SLC44A1: variants seen among roughly 807,000 people sequenced by gnomAD.
The protein encoded by SLC44A1 is choline transporter-like protein 1.
SLC44A1 carries 26 observed loss-of-function variants against 79.3 expected under a neutral mutation model. The ratio of observed to expected loss-of-function variants is 0.33; its 90% CI spans 0.24 to 0.46. SLC44A1 has a LOEUF of 0.46. Ranked by LOEUF, SLC44A1 falls within the 20% of genes least tolerant of loss-of-function variation. The probability of loss-of-function intolerance (pLI) is 1.00; values close to 1 mark genes in which losing one functional copy is unlikely to be tolerated. For synonymous variants in SLC44A1, 263 were observed against 286.2 expected (o/e 0.92, Z 0.82); for missense variants, 688 against 798.1 (o/e 0.86, Z 1.66).
chr9:105,332,073 G>A (rs1284651716), intron 3 of SLC44A1, among the ~76,000 whole-genome samples: 1 of 151,674 alleles, frequency 6.6e-6, no homozygotes, highest in Non-Finnish European at 1.5e-5. Flanking sequence ...TATGTGAAAG[G>A]CATAGAGAAT....
chr9:105,412,445 T>C (rs1396643174), intron 15 of SLC44A1, among the ~76,000 whole-genome samples: 2 of 152,208 alleles, frequency 1.3e-5, no homozygotes, highest in African/African-American at 2.4e-5. Flanking sequence ...GCTTTCCTGG[T>C]TTCAACTCTG....
At chr9:105,416,932 A>C (rs1428061625) in intron 15 of SLC44A1, among the ~76,000 whole-genome samples, 1 of 152,260 alleles carries the variant, frequency 6.6e-6, no homozygotes, top group Non-Finnish European at 1.5e-5. Flanking sequence ...TGAGAATTTC[A>C]TGCAGATTAA....
rs550277501 is a variant in SLC44A1, at chr9:105,387,495, C to T, written c.1951-1538C>T. 3.9e-5 allele frequency among the ~76,000 whole-genome samples: 6 copies of T among 152,188 alleles called. No individual in the cohort carries two copies. The South Asian group carries it at 1.2e-3, about 32-fold the overall frequency. On this transcript the variant is annotated intron_variant, in intron 15 of 15. Coordinates refer to ENST00000374720, the MANE Select transcript of SLC44A1 (RefSeq NM_080546.5). ...AGGAGGGCAGCAGTGGAGATTCTGC[C>T]AACCCTATGGCAACATGGAGAAATG... is the stretch of plus-strand genomic sequence containing the variant.
chr9:105,373,632 TC>T (rs1828183718), intron 12 of SLC44A1, among the ~76,000 whole-genome samples: 1 of 152,152 alleles, frequency 6.6e-6, no homozygotes, highest in African/African-American at 2.4e-5. Context: ...ACTGAAAAGT[TC>T]AGAAATCTGG....
At chr9:105,323,564 G>C (rs766461785) in intron 3 of SLC44A1, among the ~76,000 whole-genome samples, 1 of 152,160 alleles carries the variant, frequency 6.6e-6, no homozygotes, top group African/African-American at 2.4e-5. Flanking sequence ...TATCGTGAAC[G>C]TTAACTGTTG....
chr9:105,411,888 T>G (rs1163400606), intron 15 of SLC44A1, among the ~76,000 whole-genome samples: 2 of 152,200 alleles, frequency 1.3e-5, no homozygotes, highest in Non-Finnish European at 2.9e-5. Context: ...AAGGTGGATC[T>G]TCCTGGTCTC....
intron 2 of SLC44A1, among the ~76,000 whole-genome samples, chr9:105,301,296 C>A (rs969580941): frequency 6.6e-6 from 1 of 152,194 alleles, no homozygotes; most frequent in African/African-American, 2.4e-5. Flanking sequence ...TATTTGTTTA[C>A]TGAAACATTT....
At position 105,397,170 on chromosome 9, in the gene SLC44A1, C is replaced by T. The variant is rs934287659; in HGVS notation, c.*8114C>T. 15 of 985,112 alleles carry T rather than the reference C, an allele frequency of 1.5e-5. No homozygotes were observed. Among genetic ancestry groups the T allele is most frequent in the South Asian group, 9.4e-5 (2 of 21,282 alleles). The allele number at this position is 985,112 out of a possible 1,614,324, so 61.0% of individuals were successfully genotyped here. ...CAGAGAACAATCAGCCTATATGAAA[C>T]GGAGCTTTGAAATGTTTTTCTTGTG... On this transcript the variant is annotated 3_prime_UTR_variant, in exon 16 of 16. Transcript: ENST00000374720.
chr9:105,273,484 T>G (rs1273304295), intron 1 of SLC44A1, among the ~76,000 whole-genome samples: 1 of 152,260 alleles, frequency 6.6e-6, no homozygotes, highest in Non-Finnish European at 1.5e-5. Context: ...TTTCCTTTTT[T>G]GCTTTTTTCT....
At chr9:105,387,359 A>G (rs1335139662) in intron 15 of SLC44A1, among the ~76,000 whole-genome samples, 1 of 152,124 alleles carries the variant, frequency 6.6e-6, no homozygotes, top group Admixed American at 6.6e-5. Context: ...TTAAGTTTGC[A>G]TCACCTAGAC....
chr9:105,374,428 G>A (rs1206962015), intron 12 of SLC44A1, among the ~76,000 whole-genome samples, 170 bp from the exon 13 acceptor site: 1 of 152,184 alleles, frequency 6.6e-6, no homozygotes. Flanking sequence ...ACCATATGAG[G>A]CTTTAAATCT....
At chr9:105,418,459 G>A (rs946204451) in intron 15 of SLC44A1, among the ~76,000 whole-genome samples, 5 of 152,108 alleles carry the variant, frequency 3.3e-5, no homozygotes, top group African/African-American at 1.2e-4. Context: ...GTTGTCCTAT[G>A]GGGCTTACCT....
chr9:105,407,344 ATAAACC>A, intron 15 of SLC44A1, among the ~76,000 whole-genome samples: 1 of 151,044 alleles, frequency 6.6e-6, no homozygotes, highest in African/African-American at 2.4e-5. Flanking sequence ...TCCACATAAA[ATAAACC>A]TAAAGAGATC....
intron 1 of SLC44A1, among the ~76,000 whole-genome samples, chr9:105,248,265 CT>C (rs1297910873): frequency 6.6e-6 from 1 of 152,188 alleles, no homozygotes; most frequent in Non-Finnish European, 1.5e-5. Context: ...CCCTTACAGT[CT>C]CTTGCTATGT....
At chr9:105,387,050 A>ATAT (rs1170191623) in intron 15 of SLC44A1, among the ~76,000 whole-genome samples, 1 of 1,414 alleles carries the variant, frequency 7.1e-4, no homozygotes, top group African/African-American at 1.2e-3. Context: ...AAAAAAAAAA[A>ATAT]AAAAAAAAAA....
intron 1 of SLC44A1, among the ~76,000 whole-genome samples, chr9:105,269,573 T>C (rs914895232): frequency 6.6e-6 from 1 of 152,228 alleles, no homozygotes; most frequent in Non-Finnish European, 1.5e-5. Flanking sequence ...GTCCCCTCTT[T>C]CTTGTGTAAG....
At chr9:105,298,837 T>G (rs1438076082) in intron 1 of SLC44A1, among the ~76,000 whole-genome samples, 2 of 152,184 alleles carry the variant, frequency 1.3e-5, no homozygotes, top group African/African-American at 4.8e-5. Context: ...GTACATATTA[T>G]GAACCCTCAG....
chr9:105,381,324 GAGGTC>G (rs913103736), intron 13 of SLC44A1, among the ~76,000 whole-genome samples: 27 of 151,948 alleles, frequency 1.8e-4, no homozygotes, highest in African/African-American at 6.5e-4. Context: ...CGGATCACCT[GAGGTC>G]AGGAGATCGA....
chr9:105,299,911 A>G (rs1424701709), intron 2 of SLC44A1: 1 of 985,604 alleles, frequency 1.0e-6, no homozygotes, highest in Non-Finnish European at 1.2e-6. Context: ...GGTATAGAGA[A>G]TGGAGGAGCA....
Sources: gnomAD v4.1 joint callset for allele counts (sites outside exome capture counted in the v4.1 genomes callset) on GRCh38, gnomAD v4.1.1 for gene constraint, MANE v1.5 for transcripts, NCBI Gene and HGNC (gene_info 2026-07-23, HGNC 2026-07-21) for gene names.